Variants in PELI2 observed in about 807,000 individuals in gnomAD.
PELI2 encodes E3 ubiquitin-protein ligase pellino homolog 2.
Under a neutral mutation model 42.3 loss-of-function variants are expected in PELI2, and 23 were observed. The observed-to-expected ratio is 0.54, with a 90% CI of 0.39 to 0.77. The LOEUF is 0.77. Ranked by LOEUF, PELI2 falls within the 30% of genes least tolerant of loss-of-function variation. The pLI, the probability that PELI2 is intolerant of heterozygous loss-of-function variation, is 0.00. For synonymous variants in PELI2, 245 were observed against 212.2 expected (o/e 1.15, Z -1.34); for missense variants, 463 against 553.2 (o/e 0.84, Z 1.64).
In PELI2 at chr14:56,197,975, C is replaced by G. The variant is rs1417564208; in HGVS notation, c.207+19511C>G. Among the ~76,000 whole-genome samples the G allele has an allele frequency of 6.1e-4, 28 of 45,862 alleles. No homozygotes were observed. Among genetic ancestry groups the G allele is most frequent in the African/African-American group, 1.4e-3 (27 of 19,522 alleles). 30.1% of individuals were successfully genotyped at this position (45,862 alleles called of 152,430 possible). A position where few individuals can be genotyped will look rare whatever the true frequency, so the allele number is the denominator to read the frequency against. On this transcript the variant is annotated intron_variant, in intron 2 of 5. Transcript: ENST00000267460. This position sits in a 1 kb window ranked among gnomAD's most constrained non-coding sequence, Gnocchi z 4.9. ...AGGGATCATGACTGGTGAAGACACA[C>G]ACACACACACACACACACACACACA...
chr14:56,298,379 A>T lies in PELI2; in HGVS notation c.*1213A>T, dbSNP rs551834339. ...ATGAGAATTTCATAGGAGCTCCACC[A>T]TTCCTGTTACTTTCATTTCATTTTG... On this transcript the variant is annotated 3_prime_UTR_variant, in exon 6 of 6. Coordinates refer to ENST00000267460, the MANE Select transcript of PELI2 (RefSeq NM_021255.3). 2 of 152,504 alleles carry T rather than the reference A, an allele frequency of 1.3e-5. No homozygotes were observed. Among genetic ancestry groups the T allele is most frequent in the South Asian group, 4.1e-4 (2 of 4,820 alleles). 9.4% of individuals were successfully genotyped at this position (152,504 alleles called of 1,614,324 possible).
chr14:56,146,932 T>A (rs1361209939), intron 1 of PELI2, among the ~76,000 whole-genome samples: 1 of 152,152 alleles, frequency 6.6e-6, no homozygotes, highest in Non-Finnish European at 1.5e-5. Flanking sequence ...CATACATTGT[T>A]CCCTCCTGCC....
At position 56,229,445 on chromosome 14, in the gene PELI2, T is replaced by C. The variant is rs543696089; in HGVS notation, c.208-50231T>C. On this transcript the variant is annotated intron_variant, in intron 2 of 5. Transcript: ENST00000267460. The stretch of plus-strand genomic sequence containing the variant: ...ATTTGTTGTTCTGCAATATTTGCTG[T>C]TCTGCAGCCTCCACTGGTGATACCA... 8.6e-4 allele frequency among the ~76,000 whole-genome samples: 131 copies of C among 152,308 alleles called. 1 individual carries two copies. Among genetic ancestry groups the C allele is most frequent in the African/African-American group, 2.8e-3 (116 of 41,580 alleles).
intron 2 of PELI2, among the ~76,000 whole-genome samples, chr14:56,196,000 G>A (rs1231432670): frequency 4.6e-5 from 7 of 152,220 alleles, no homozygotes; most frequent in African/African-American, 1.4e-4. Flanking sequence ...ATTACTGGGC[G>A]TGGGTAGAGA....
At chr14:56,252,164 A>G (rs1888369481) in intron 2 of PELI2, among the ~76,000 whole-genome samples, 2 of 152,330 alleles carry the variant, frequency 1.3e-5, no homozygotes, top group South Asian at 4.1e-4. Context: ...AGTCAAGTAA[A>G]TATAGTTGTC....
chr14:56,237,107 T>C (rs1887825445), intron 2 of PELI2, among the ~76,000 whole-genome samples: 1 of 152,166 alleles, frequency 6.6e-6, no homozygotes, highest in African/African-American at 2.4e-5. Flanking sequence ...ATTCCTGCCC[T>C]TACTTAAGCT....
chr14:56,127,200 G>A (rs1883302080), intron 1 of PELI2, among the ~76,000 whole-genome samples: 1 of 152,178 alleles, frequency 6.6e-6, no homozygotes, highest in Admixed American at 6.5e-5. Context: ...CTAGCTTACT[G>A]AGAACCATGC....
intron 1 of PELI2, chr14:56,119,879 T>A (rs778902297): frequency 1.4e-5 from 14 of 981,368 alleles, no homozygotes; most frequent in Non-Finnish European, 1.7e-5. Flanking sequence ...TTAGCACACA[T>A]ATGAGGAGTC....
chr14:56,140,735 A>G (rs887323425), intron 1 of PELI2, among the ~76,000 whole-genome samples: 1 of 152,198 alleles, frequency 6.6e-6, no homozygotes, highest in Non-Finnish European at 1.5e-5. Flanking sequence ...AGTGTTTTCA[A>G]TTTGAAATTT....
intron 2 of PELI2, among the ~76,000 whole-genome samples, chr14:56,194,865 A>G (rs1327988326): frequency 6.6e-6 from 1 of 152,196 alleles, no homozygotes; most frequent in African/African-American, 2.4e-5. Flanking sequence ...GTAAAAGATT[A>G]GTACATTTAG....
At chr14:56,142,781 A>C (rs1883964661) in intron 1 of PELI2, among the ~76,000 whole-genome samples, 1 of 152,128 alleles carries the variant, frequency 6.6e-6, no homozygotes, top group Non-Finnish European at 1.5e-5. Context: ...AGATGAAAAA[A>C]ACTACTGCCC....
At chr14:56,121,607 A>G (rs1413589246) in intron 1 of PELI2, among the ~76,000 whole-genome samples, 1 of 152,226 alleles carries the variant, frequency 6.6e-6, no homozygotes, top group African/African-American at 2.4e-5. Flanking sequence ...TTTTAAGGTT[A>G]GGGAAGTGGC....
At chr14:56,252,840 C>T (rs1594686050) in intron 2 of PELI2, among the ~76,000 whole-genome samples, 1 of 152,158 alleles carries the variant, frequency 6.6e-6, no homozygotes, top group African/African-American at 2.4e-5. Context: ...AGAGGGACTC[C>T]TCCTCAACTC....
chr14:56,126,023 G>A (rs1883245386), intron 1 of PELI2, among the ~76,000 whole-genome samples: 1 of 152,168 alleles, frequency 6.6e-6, no homozygotes, highest in Non-Finnish European at 1.5e-5. Context: ...AACCTTTAGG[G>A]CCCAAGTCAA....
rs1448601233 is a variant in PELI2 at position 56,180,655 on chromosome 14, G to A, written c.207+2191G>A. ...TTGCCTTTCAGACTCTCAAACTCTCGTCCCGGCCAGCTGTACCCGGCCACT... is the reference window on the plus strand; with the variant it reads ...TTGCCTTTCAGACTCTCAAACTCTCATCCCGGCCAGCTGTACCCGGCCACT... On this transcript the variant is annotated intron_variant, in intron 2 of 5. Transcript: ENST00000267460. The surrounding 1 kb of genome is among the most constrained non-coding windows in gnomAD (Gnocchi z 4.4). 3.3e-5 allele frequency among the ~76,000 whole-genome samples: 5 copies of A among 152,026 alleles called. No homozygotes were observed. Among genetic ancestry groups the A allele is most frequent in the South Asian group, 2.1e-4 (1 of 4,822 alleles).
At chr14:56,253,049 A>G (rs1477796231) in intron 2 of PELI2, among the ~76,000 whole-genome samples, 1 of 152,198 alleles carries the variant, frequency 6.6e-6, no homozygotes, top group Admixed American at 6.5e-5. Flanking sequence ...GGTTCAACAT[A>G]TGCAAATCAA....
At chr14:56,217,595 T>C (rs1886955089) in intron 2 of PELI2, among the ~76,000 whole-genome samples, 1 of 152,224 alleles carries the variant, frequency 6.6e-6, no homozygotes, top group African/African-American at 2.4e-5. Context: ...GTGTAGTTTT[T>C]GAGGTTTGCA....
intron 1 of PELI2, among the ~76,000 whole-genome samples, chr14:56,119,364 C>T (rs1394149707): frequency 2.0e-5 from 3 of 152,016 alleles, no homozygotes; most frequent in Non-Finnish European, 2.9e-5. Context: ...GGCCGGCCGG[C>T]CCTCCGCTTC....
rs142937587 is a variant in PELI2, at chr14:56,159,027, C to T, written c.78-19308C>T. Among the ~76,000 whole-genome samples the T allele has an allele frequency of 3.9e-3, 586 of 152,170 alleles. 2 individuals are homozygous for T. Among genetic ancestry groups the T allele is most frequent in the African/African-American group, 0.013 (542 of 41,524 alleles). On this transcript the variant is annotated intron_variant, in intron 1 of 5. Coordinates refer to ENST00000267460, the MANE Select transcript of PELI2 (RefSeq NM_021255.3). Reference sequence around the variant, plus strand: ...GAAAGAGTATTCTTTATATATAAAACGTTCAGAGGGTATATATTTGGTATT... The same window carrying T: ...GAAAGAGTATTCTTTATATATAAAATGTTCAGAGGGTATATATTTGGTATT...
Sources: gnomAD v4.1 joint callset for allele counts (sites outside exome capture counted in the v4.1 genomes callset) on GRCh38, gnomAD v4.1.1 for gene constraint, Gnocchi (gnomAD v3.1) non-coding constraint, MANE v1.5 for transcripts, NCBI Gene and HGNC (gene_info 2026-07-23, HGNC 2026-07-21) for gene names.